The following ABL1 variants were observed in gnomAD, a reference collection of about 807,000 sequenced individuals.
ABL1 encodes the protein ABL proto-oncogene 1, non-receptor tyrosine kinase.
Under a neutral mutation model 94.7 loss-of-function variants are expected in ABL1, and 11 were observed. That is an observed-to-expected ratio of 0.12 (90% CI 0.07 to 0.19). The LOEUF (loss-of-function observed/expected upper bound fraction) is 0.19. Among genes scored for constraint, ABL1 ranks in the 10% least tolerant of loss-of-function variants. The pLI is 1.00. For synonymous variants in ABL1, 656 were observed against 622.4 expected (o/e 1.05, Z -0.80); for missense variants, 1,082 against 1,489.4 (o/e 0.73, Z 4.50).
chr9:130,724,745 TTTA>T, intron 1 of ABL1: 2 of 396,866 alleles, frequency 5.0e-6, no homozygotes, highest in Admixed American at 5.3e-5. Context: ...AAACCCTGTC[TTTA>T]AAAAAAAAAA....
intron 1 of ABL1, among the ~76,000 whole-genome samples, chr9:130,817,225 C>T (rs1444231094): frequency 6.6e-6 from 1 of 152,204 alleles, no homozygotes; most frequent in Admixed American, 6.5e-5. Context: ...AGTAACTTCT[C>T]TTAGAAGAAA....
At chr9:130,816,349 A>T (rs754659457) in intron 1 of ABL1, among the ~76,000 whole-genome samples, 9 of 151,750 alleles carry the variant, frequency 5.9e-5, no homozygotes, top group African/African-American at 1.7e-4. Context: ...TTAATTAAAA[A>T]TTTTTTTTGT....
At position 130,874,934 on chromosome 9, in the gene ABL1, G is replaced by C. The variant is rs1348431384; in HGVS notation, c.1152G>C (p.Leu384=). The C allele has an allele frequency of 6.2e-7, 1 of 1,614,172 alleles. No homozygotes were observed. Among genetic ancestry groups the C allele is most frequent in the East Asian group, 2.2e-5 (1 of 44,884 alleles). Residue 384 remains leucine, a synonymous_variant, in exon 7 of 11, where the codon CTG becomes CTC. Coordinates refer to ENST00000318560, the MANE Select transcript of ABL1 (RefSeq NM_005157.6). ...NHLVKVADFG[L]SRLMTGDTYT... is the part of the protein sequence containing the mutation. Reference sequence around the variant, plus strand: ...TGGTGAAGGTAGCTGATTTTGGCCTGAGCAGGTTGATGACAGGGGACACCT... The same window carrying C: ...TGGTGAAGGTAGCTGATTTTGGCCTCAGCAGGTTGATGACAGGGGACACCT...
chr9:130,761,454 G>A (rs903151288), intron 1 of ABL1, among the ~76,000 whole-genome samples: 2 of 152,138 alleles, frequency 1.3e-5, no homozygotes, highest in Non-Finnish European at 2.9e-5. Flanking sequence ...TGAAGGAAAG[G>A]TCCCTCTTTT....
Position 130,862,961 on chromosome 9 carries a change from G to T in ABL1, c.748G>T (p.Gly250Trp). ...CATCACCATGAAGCACAAGCTGGGC[G>T]GGGGCCAGTACGGGGAGGTGTACGA... The part of the protein sequence containing the change: ...TDITMKHKLG[G>W]GQYGEVYEGV... The change falls in exon 4 of 11, where the codon GGG (glycine) becomes TGG (tryptophan). Residue 250 changes from glycine to tryptophan, a missense_variant. Coordinates refer to ENST00000318560, the MANE Select transcript of ABL1 (RefSeq NM_005157.6). This position sits in a 1 kb window ranked among gnomAD's most constrained non-coding sequence, Gnocchi z 5.5. 1 of 1,614,148 alleles carries T rather than the reference G, an allele frequency of 6.2e-7. No homozygotes were observed. The highest frequency in any genetic ancestry group is 8.5e-7 in the Non-Finnish European group (1 of 1,180,020).
chr9:130,775,501 G>T lies in ABL1; in HGVS notation c.136+61046G>T, dbSNP rs144474825. Among the ~76,000 whole-genome samples, 845 of 152,218 alleles carry T rather than the reference G, an allele frequency of 5.6e-3. 15 individuals are homozygous for T. The highest frequency in any genetic ancestry group is 5.8e-3 in the Non-Finnish European group (397 of 68,020). On this transcript the variant is annotated intron_variant, in intron 1 of 10. Transcript: ENST00000372348. ...GTGAAATTAAAACTTCAGTGGATGG[G>T]TTTAACAAGTTAGACACAACTGAAG...
Position 130,813,332 on chromosome 9 carries a change from C to T in ABL1, c.137-40732C>T, listed in dbSNP as rs186303139. On this transcript the variant is annotated intron_variant, in intron 1 of 10. Transcript: ENST00000372348. The stretch of plus-strand genomic sequence containing the variant: ...ATCCCAGCACTTTGGGAGGCTGAGG[C>T]GGGCGGATCACGAGGTCAGGAGATC... 1.2e-3 allele frequency among the ~76,000 whole-genome samples: 180 copies of T among 151,776 alleles called. 1 individual carries two copies. The highest frequency in any genetic ancestry group is 4.1e-3 in the African/African-American group (170 of 41,412).
intron 1 of ABL1, among the ~76,000 whole-genome samples, chr9:130,752,461 C>T (rs1831978228): frequency 6.6e-6 from 1 of 152,126 alleles, no homozygotes; most frequent in South Asian, 2.1e-4. Flanking sequence ...TGCTTTCTTG[C>T]CCTACTGCAG....
chr9:130,847,491 G>T (rs1304339452), intron 1 of ABL1, among the ~76,000 whole-genome samples: 1 of 152,134 alleles, frequency 6.6e-6, no homozygotes, highest in Admixed American at 6.6e-5. Context: ...TGCAACTTTG[G>T]CCTTGTAAGC....
intron 1 of ABL1, among the ~76,000 whole-genome samples, chr9:130,810,111 T>C (rs1326157297): frequency 1.3e-5 from 2 of 152,216 alleles, no homozygotes; most frequent in Non-Finnish European, 2.9e-5. Context: ...AGACAGATTA[T>C]ATAAGTAGTA....
chr9:130,777,322 G>C (rs1296426998), intron 1 of ABL1, among the ~76,000 whole-genome samples: 2 of 152,246 alleles, frequency 1.3e-5, no homozygotes, highest in Non-Finnish European at 2.9e-5. Context: ...TTGTCCATTG[G>C]CTGGTTTCAG....
At chr9:130,714,038 A>G (rs1028659932) in exon 1 of ABL1, 5 of 323,884 alleles carry the variant, frequency 1.5e-5, no homozygotes, top group African/African-American at 6.3e-5. Flanking sequence ...AGAAATTGTT[A>G]TTCAGCCCGT....
At chr9:130,731,779 C>T (rs1266481582) in intron 1 of ABL1, among the ~76,000 whole-genome samples, 3 of 152,102 alleles carry the variant, frequency 2.0e-5, no homozygotes, top group Non-Finnish European at 4.4e-5. Context: ...TTATCAGCTT[C>T]CATACCCAAA....
chr9:130,810,757 G>GA (rs994881424), intron 1 of ABL1, among the ~76,000 whole-genome samples: 22 of 138,196 alleles, frequency 1.6e-4, no homozygotes, highest in Admixed American at 3.7e-4. Flanking sequence ...TATAGAGAGA[G>GA]AAAAAAAAAT....
rs554679169 is a variant in ABL1 at position 130,886,096 on chromosome 9, C to A, written c.*413C>A. The A allele has an allele frequency of 2.4e-4, 64 of 263,292 alleles. No homozygotes were observed. Among genetic ancestry groups the A allele is most frequent in the African/African-American group, 1.3e-3 (61 of 46,106 alleles). 16.3% of individuals were successfully genotyped at this position (263,292 alleles called of 1,614,324 possible). A position where few individuals can be genotyped will look rare whatever the true frequency, so the allele number is the denominator to read the frequency against. On this transcript the variant is annotated 3_prime_UTR_variant, in exon 11 of 11. Coordinates refer to ENST00000318560, the MANE Select transcript of ABL1 (RefSeq NM_005157.6). ...CCGGCTGGGCCTCCTTCTTCCACTT[C>A]TCCAAGAATGGAAGCCTGAACTGAG...
At chr9:130,763,837 A>C (rs1015138652) in intron 1 of ABL1, among the ~76,000 whole-genome samples, 2 of 152,032 alleles carry the variant, frequency 1.3e-5, no homozygotes, top group Admixed American at 6.6e-5. Flanking sequence ...GAGGGAGGGC[A>C]CTCACTCAGC....
chr9:130,771,356 C>A (rs1352082952), intron 1 of ABL1, among the ~76,000 whole-genome samples: 1 of 151,972 alleles, frequency 6.6e-6, no homozygotes, highest in African/African-American at 2.4e-5. Context: ...AGTAGAGTGC[C>A]AGTTTATATT....
chr9:130,878,217 C>T (rs1831385687), intron 7 of ABL1, among the ~76,000 whole-genome samples, 198 bp from the exon 8 acceptor site: 1 of 152,164 alleles, frequency 6.6e-6, no homozygotes, highest in Non-Finnish European at 1.5e-5. Flanking sequence ...TCCCAAAGTG[C>T]TGGGATTACA....
intron 10 of ABL1, among the ~76,000 whole-genome samples, chr9:130,882,393 G>A (rs1191666753): frequency 6.6e-6 from 1 of 152,124 alleles, no homozygotes; most frequent in Non-Finnish European, 1.5e-5. Flanking sequence ...TGATTCAGAT[G>A]TCCCGCGTGC....
Sources: gnomAD v4.1 joint callset for allele counts (sites outside exome capture counted in the v4.1 genomes callset) on GRCh38, gnomAD v4.1.1 for gene constraint, Gnocchi (gnomAD v3.1) non-coding constraint, MANE v1.5 for transcripts, NCBI Gene and HGNC (gene_info 2026-07-23, HGNC 2026-07-21) for gene names.